Variants in RFPL1 observed in about 807,000 individuals in gnomAD.
RFPL1 encodes ret finger protein like 1.
RFPL1 carries 6 observed loss-of-function variants against 9.6 expected under a neutral mutation model. The ratio of observed to expected loss-of-function variants is 0.62; its 90% CI spans 0.34 to 1.23. The LOEUF is 1.23. RFPL1 is among the 50% of genes most tolerant of loss of function. The pLI is 0.03. For missense variants in RFPL1, 352 were observed against 398.4 expected (o/e 0.88, Z 0.99); for synonymous variants, 145 against 149.4 (o/e 0.97, Z 0.22).
At chr22:29,440,215 T>C (rs1442165867) in intron 1 of RFPL1, 1 of 152,200 alleles carries the variant, frequency 6.6e-6, no homozygotes, top group Non-Finnish European at 1.5e-5. Flanking sequence ...GGAGGACAGA[T>C]TCACCCTGCC....
the RFPL1 span, among the ~76,000 whole-genome samples, chr22:29,390,636 C>G: frequency 6.8e-6 from 1 of 147,476 alleles, no homozygotes; most frequent in East Asian, 2.0e-4. Context: ...CGCTCCATCA[C>G]CCAGGCTGGA....
the RFPL1 span, among the ~76,000 whole-genome samples, chr22:29,397,102 T>A: frequency 6.7e-6 from 1 of 150,150 alleles, no homozygotes; most frequent in South Asian, 2.1e-4. Context: ...GTAGAGATGG[T>A]GTTTCACCGT....
chr22:29,421,293 T>A, the RFPL1 span, among the ~76,000 whole-genome samples: 1 of 151,890 alleles, frequency 6.6e-6, no homozygotes, highest in Non-Finnish European at 1.5e-5. Flanking sequence ...AACCCCAAAA[T>A]AAAAAAATTA....
the RFPL1 span, among the ~76,000 whole-genome samples, chr22:29,417,054 C>T: frequency 1.3e-5 from 2 of 152,128 alleles, no homozygotes; most frequent in Non-Finnish European, 2.9e-5. Flanking sequence ...ACAAAGTGAA[C>T]TTCCTGATCC....
chr22:29,389,513 C>T, the RFPL1 span, among the ~76,000 whole-genome samples: 1 of 151,334 alleles, frequency 6.6e-6, no homozygotes, highest in Non-Finnish European at 1.5e-5. Context: ...GGTGAAACCC[C>T]GTCTCTACTA....
chr22:29,439,903 A>C (rs1163633485), intron 1 of RFPL1: 2 of 152,224 alleles, frequency 1.3e-5, no homozygotes, highest in Non-Finnish European at 2.9e-5. Flanking sequence ...ACTGTACCAA[A>C]CAACCTCACC....
At chr22:29,431,512 C>T in the RFPL1 span, among the ~76,000 whole-genome samples, 43 of 152,222 alleles carry the variant, frequency 2.8e-4, 1 homozygote, top group South Asian at 6.2e-3. Flanking sequence ...CAGATTAGAA[C>T]GATTTTGCAG....
At chr22:29,410,241 AGTAGATATATATTT>A in the RFPL1 span, among the ~76,000 whole-genome samples, 4 of 132,806 alleles carry the variant, frequency 3.0e-5, no homozygotes, top group East Asian at 2.1e-4. Context: ...ATATATATAT[AGTAGATATATATTT>A]GTAGATATAT....
the RFPL1 span, among the ~76,000 whole-genome samples, chr22:29,416,215 C>T: frequency 7.9e-3 from 1,204 of 152,324 alleles, 10 homozygotes; most frequent in Non-Finnish European, 0.014. Context: ...CTCTGCATTT[C>T]CAGACATCCT....
At chr22:29,415,290 C>A in the RFPL1 span, among the ~76,000 whole-genome samples, 17 of 151,390 alleles carry the variant, frequency 1.1e-4, no homozygotes, top group African/African-American at 2.4e-5. Context: ...AAAGGCATGC[C>A]GTGGGTGATC....
the RFPL1 span, among the ~76,000 whole-genome samples, chr22:29,396,242 G>C: frequency 6.6e-6 from 1 of 152,084 alleles, no homozygotes; most frequent in Non-Finnish European, 1.5e-5. Context: ...TAGGAGGTGG[G>C]GCCTAATGGG....
chr22:29,435,686 G>T (rs1342721966), upstream of RFPL1, among the ~76,000 whole-genome samples: 333 of 152,074 alleles, frequency 2.2e-3, 3 homozygotes, highest in African/African-American at 7.7e-3. Flanking sequence ...TTTTTTAATA[G>T]AACTAAATGT....
chr22:29,410,446 ATATATAGATATATATATC>A, the RFPL1 span, among the ~76,000 whole-genome samples: 95 of 93,930 alleles, frequency 1.0e-3, no homozygotes, highest in African/African-American at 2.9e-3. Context: ...ATATATATCT[ATATATAGATATATATATC>A]TATATATAGA....
chr22:29,414,700 CCT>C, the RFPL1 span, among the ~76,000 whole-genome samples: 3 of 152,102 alleles, frequency 2.0e-5, no homozygotes, highest in Non-Finnish European at 2.9e-5. Context: ...ATTTAAATCC[CCT>C]GTTAGGAAAT....
the RFPL1 span, among the ~76,000 whole-genome samples, chr22:29,426,660 A>G: frequency 2.6e-5 from 4 of 152,144 alleles, no homozygotes; most frequent in South Asian, 8.3e-4. Flanking sequence ...AAGGCAGGAG[A>G]ATTGCTTCAA....
the RFPL1 span, among the ~76,000 whole-genome samples, chr22:29,426,146 A>G: frequency 6.6e-6 from 1 of 151,318 alleles, no homozygotes; most frequent in Non-Finnish European, 1.5e-5. Flanking sequence ...AACATGGCCA[A>G]ACCCCTTCTC....
upstream of RFPL1, chr22:29,438,200 T>TTTTTTG: frequency 7.3e-6 from 1 of 137,058 alleles, no homozygotes; most frequent in Non-Finnish European, 1.6e-5. Flanking sequence ...TTTTTTTTTT[T>TTTTTTG]GAGATGGTGT....
At chr22:29,415,544 G>A in the RFPL1 span, among the ~76,000 whole-genome samples, 3 of 152,370 alleles carry the variant, frequency 2.0e-5, no homozygotes, top group South Asian at 4.1e-4. Context: ...GCTCCACAGG[G>A]CAAGCCTAAG....
the RFPL1 span, among the ~76,000 whole-genome samples, chr22:29,391,906 C>T: frequency 6.6e-6 from 1 of 152,126 alleles, no homozygotes. Flanking sequence ...CCTGCCCTTG[C>T]TCAGCCTACA....
Sources: allele counts gnomAD v4.1 joint callset (sites outside exome capture counted in the v4.1 genomes callset), GRCh38; gene constraint gnomAD v4.1.1; transcripts MANE v1.5; gene names NCBI Gene and HGNC (gene_info 2026-07-23, HGNC 2026-07-21).